ASXL1: variants seen among roughly 807,000 people sequenced by gnomAD.
ASXL1 encodes the protein ASXL transcriptional regulator 1, also known as polycomb group protein ASXL1.
ASXL1 carries 65 observed loss-of-function variants against 89.1 expected under a neutral mutation model. The ratio of observed to expected loss-of-function variants is 0.73; its 90% confidence interval spans 0.60 to 0.90. The LOEUF is 0.90. Ranked by LOEUF, ASXL1 falls within the 40% of genes least tolerant of loss-of-function variation. ASXL1 has a pLI of 0.00. For missense variants in ASXL1, 1,786 were observed against 1,942.9 expected (o/e 0.92, Z 1.52); for synonymous variants, 739 against 746.9 (o/e 0.99, Z 0.17).
At chr20:32,394,206 AT>A (rs1250538974) in intron 4 of ASXL1, among the ~76,000 whole-genome samples, 1 of 151,968 alleles carries the variant, frequency 6.6e-6, no homozygotes, top group Non-Finnish European at 1.5e-5. Flanking sequence ...GTTTCACTAT[AT>A]TGGCCAGGCT....
chr20:32,398,810 C>T (rs1306143641), intron 4 of ASXL1, among the ~76,000 whole-genome samples: 4 of 151,264 alleles, frequency 2.6e-5, no homozygotes, highest in Non-Finnish European at 4.4e-5. Context: ...GGGGTTTCAC[C>T]GTTTTAGCTG....
chr20:32,380,224 A>G (rs1009768544), intron 4 of ASXL1, among the ~76,000 whole-genome samples: 2 of 151,760 alleles, frequency 1.3e-5, no homozygotes, highest in African/African-American at 2.4e-5. Context: ...GGAGATTGCA[A>G]TGAGCCTATT....
chr20:32,370,276 G>A (rs1403544739), intron 4 of ASXL1, among the ~76,000 whole-genome samples: 1 of 152,058 alleles, frequency 6.6e-6, no homozygotes, highest in African/African-American at 2.4e-5. Flanking sequence ...CCGGGGGTCT[G>A]CAAAGTTTTT....
In ASXL1 at chr20:32,433,878, A is replaced by C. The variant is rs1470964049; in HGVS notation, c.1680A>C (p.Pro560=). ...TTGAAAGTGTTCACACCGAAAAGCC[A>C]CAGCCCACTAAAGAGGAGCCCAAAG... ...NTIESVHTEK[P]QPTKEEPKVP... is the part of the protein sequence containing the mutation. The change falls in exon 12 of 13, where the codon CCA becomes CCC. Residue 560 remains proline, a synonymous_variant. Coordinates refer to ENST00000375687, the MANE Select transcript of ASXL1 (RefSeq NM_015338.6). The C allele has an allele frequency of 6.2e-7, 1 of 1,613,742 alleles. No individual in the cohort carries two copies. The highest frequency in any genetic ancestry group is 8.5e-7 in the Non-Finnish European group (1 of 1,180,032).
intron 4 of ASXL1, among the ~76,000 whole-genome samples, chr20:32,370,404 G>A (rs538073425): frequency 6.6e-6 from 1 of 151,930 alleles, no homozygotes; most frequent in African/African-American, 2.4e-5. Context: ...AATGGGCATG[G>A]CTGTGTTCCA....
At chr20:32,434,075 GAT>G in intron 12 of ASXL1, 158 bp downstream of exon 12, 1 of 1,063,638 alleles carries the variant, frequency 9.4e-7, no homozygotes, top group Non-Finnish European at 1.3e-6. Context: ...AGTTTAGTGA[GAT>G]AGGTTCTTTT....
At chr20:32,366,246 T>C (rs2048202545) in intron 1 of ASXL1, 138 bp from the exon 2 acceptor site, 1 of 748,890 alleles carries the variant, frequency 1.3e-6, no homozygotes, top group African/African-American at 1.7e-5. Flanking sequence ...GTAATTTGAT[T>C]TCTGAAGTAA....
At chr20:32,358,969 A>G (rs2048060841) in intron 1 of ASXL1, 137 bp downstream of exon 1, 2 of 976,090 alleles carry the variant, frequency 2.0e-6, no homozygotes, top group South Asian at 1.8e-5. Flanking sequence ...TAAGAACGGG[A>G]CAGCCCCGCA....
intron 4 of ASXL1, among the ~76,000 whole-genome samples, chr20:32,370,655 A>G (rs1417781046): frequency 2.0e-5 from 3 of 152,176 alleles, no homozygotes; most frequent in Admixed American, 6.5e-5. Flanking sequence ...TGTATTCAAA[A>G]TAAATACCTG....
rs199520978 is a variant in ASXL1 at position 32,366,365 on chromosome 20, G to T, written c.58-19G>T. ...AATGGAAATTGCACACTGAAATTAG[G>T]ACGTTTATATTTCTTCAGGTATTAG... On this transcript the variant is annotated intron_variant, in intron 1 of 12. Coordinates refer to ENST00000375687, the MANE Select transcript of ASXL1 (RefSeq NM_015338.6). 3 of 1,583,788 alleles carry T rather than the reference G, an allele frequency of 1.9e-6. No homozygotes were observed. Among genetic ancestry groups the T allele is most frequent in the Middle Eastern group, 1.7e-4 (1 of 6,004 alleles).
intron 1 of ASXL1, chr20:32,360,712 TC>T: frequency 6.1e-6 from 1 of 165,192 alleles, no homozygotes; most frequent in South Asian, 2.0e-4. Flanking sequence ...CTGTTAAGTC[TC>T]TTTAGATTCT....
chr20:32,429,326 C>A lies in ASXL1; in HGVS notation c.472-12C>A. On this transcript the variant is annotated splice_polypyrimidine_tract_variant and intron_variant, in intron 6 of 12. Transcript: ENST00000375687. The surrounding 1 kb of genome is among the most constrained non-coding windows in gnomAD (Gnocchi z 4.9). ...TGACTTGGGCTCTCTTTTGTTCTCTCTTGGAACGCAGGCGAACAAACAAAA... is the reference window on the plus strand; with the variant it reads ...TGACTTGGGCTCTCTTTTGTTCTCTATTGGAACGCAGGCGAACAAACAAAA... The A allele has an allele frequency of 6.2e-7, 1 of 1,613,682 alleles. No individual in the cohort carries two copies. The highest frequency in any genetic ancestry group is 1.1e-5 in the South Asian group (1 of 91,024).
At chr20:32,428,486 C>A in intron 6 of ASXL1, 64 bp downstream of exon 6, 1 of 1,428,792 alleles carries the variant, frequency 7.0e-7, no homozygotes, top group Non-Finnish European at 9.9e-7. Flanking sequence ...CAAGATCCCT[C>A]CTTCTCCTGT....
intron 1 of ASXL1, among the ~76,000 whole-genome samples, chr20:32,366,171 C>T (rs1380586905): frequency 6.6e-6 from 1 of 152,040 alleles, no homozygotes; most frequent in Non-Finnish European, 1.5e-5. Context: ...AGATATGCAT[C>T]CTTAGAATTG....
rs751394199 is a variant in ASXL1 at position 32,429,371 on chromosome 20, C to G, written c.505C>G (p.Leu169Val). The G allele has an allele frequency of 1.9e-6, 3 of 1,614,162 alleles. No individual in the cohort carries two copies. The Admixed American group carries it at 5.0e-5, about 27-fold the overall frequency. The change falls in exon 7 of 13, where the codon CTG becomes GTG. Residue 169 changes from leucine to valine, a missense_variant. Physicochemically the swap from Leu to Val is conservative, Grantham distance 32 (BLOSUM62 1). Transcript: ENST00000375687. The surrounding 1 kb of genome is among the most constrained non-coding windows in gnomAD (Gnocchi z 4.9). ...NKQKKKTGVM[L>V]PRVVLTPLKV... is the part of the protein sequence containing the mutation. ...ACAAAAGAAAAAGACTGGGGTGATG[C>G]TGCCTCGAGTTGTCCTGACTCCTCT... is the stretch of plus-strand genomic sequence containing the variant.
intron 1 of ASXL1, among the ~76,000 whole-genome samples, chr20:32,361,002 C>T (rs1342834098): frequency 6.6e-6 from 1 of 152,170 alleles, no homozygotes; most frequent in Admixed American, 6.5e-5. Context: ...CCACCTTGGC[C>T]TCCCAAAGTG....
intron 4 of ASXL1, among the ~76,000 whole-genome samples, chr20:32,415,661 G>A (rs1408073500): frequency 2.6e-5 from 4 of 152,144 alleles, no homozygotes; most frequent in African/African-American, 9.7e-5. Flanking sequence ...TCCCTCTGCA[G>A]CCATAAACTT....
chr20:32,398,995 T>G (rs972868335), intron 4 of ASXL1, among the ~76,000 whole-genome samples: 1 of 151,322 alleles, frequency 6.6e-6, no homozygotes, highest in Non-Finnish European at 1.5e-5. Context: ...CCCAGCACTT[T>G]GGGAGGCCGA....
chr20:32,373,683 A>G (rs1050561512), intron 4 of ASXL1, among the ~76,000 whole-genome samples: 2 of 152,122 alleles, frequency 1.3e-5, no homozygotes, highest in Admixed American at 6.6e-5. Context: ...CCTGGCCAAC[A>G]TGGTGAAACC....
Sources: allele counts gnomAD v4.1 joint callset (sites outside exome capture counted in the v4.1 genomes callset), GRCh38; gene constraint gnomAD v4.1.1; non-coding constraint Gnocchi (gnomAD v3.1); transcripts MANE v1.5; gene names NCBI Gene and HGNC (gene_info 2026-07-23, HGNC 2026-07-21).